Variants in TTC28 observed in about 807,000 individuals in gnomAD.
TTC28 encodes tetratricopeptide repeat domain 28, also known as tetratricopeptide repeat protein 28.
Under a neutral mutation model 198.0 loss-of-function variants are expected in TTC28, and 61 were observed. That is an observed-to-expected ratio of 0.31 (90% CI 0.25 to 0.38). The LOEUF (loss-of-function observed/expected upper bound fraction) is 0.38. TTC28 is among the 10% of genes least tolerant of loss of function. The pLI is 1.00. For missense variants in TTC28, 2,678 were observed against 3,164.0 expected, an observed-to-expected ratio of 0.85 and a Z score of 3.69; for synonymous variants, 1,171 against 1,297.8, an observed-to-expected ratio of 0.90 and a Z score of 2.10.
At chr22:28,076,593 C>T (rs1233443317) in intron 12 of TTC28, among the ~76,000 whole-genome samples, 2 of 152,058 alleles carry the variant, frequency 1.3e-5, no homozygotes, top group African/African-American at 4.8e-5. Context: ...TTCATTCACC[C>T]AGAGATGGGG....
At chr22:28,289,469 T>C (rs1240175130) in intron 5 of TTC28, among the ~76,000 whole-genome samples, 1 of 152,158 alleles carries the variant, frequency 6.6e-6, no homozygotes, top group Non-Finnish European at 1.5e-5. Flanking sequence ...AGACAGAAGG[T>C]TAGTCAGAAT....
At chr22:28,495,611 C>A (rs966694097) in intron 2 of TTC28, among the ~76,000 whole-genome samples, 1 of 151,942 alleles carries the variant, frequency 6.6e-6, no homozygotes, top group East Asian at 1.9e-4. Flanking sequence ...CTATGGGATA[C>A]AAAAAATAGT....
chr22:28,624,561 C>T (rs879707640), intron 2 of TTC28, among the ~76,000 whole-genome samples: 1 of 151,902 alleles, frequency 6.6e-6, no homozygotes, highest in Non-Finnish European at 1.5e-5. Flanking sequence ...ATTTGAATAG[C>T]CCTACATCAA....
chr22:28,052,971 T>C (rs1330245345), intron 12 of TTC28, among the ~76,000 whole-genome samples: 1 of 152,234 alleles, frequency 6.6e-6, no homozygotes, highest in Non-Finnish European at 1.5e-5. Flanking sequence ...GCGCTGTGTG[T>C]GCAGCAGACC....
intron 2 of TTC28, among the ~76,000 whole-genome samples, chr22:28,438,406 T>G (rs763003102): frequency 3.3e-5 from 5 of 152,220 alleles, no homozygotes; most frequent in Non-Finnish European, 7.3e-5. Context: ...GGCTTTTAAA[T>G]GGAACTCCAT....
intron 5 of TTC28, among the ~76,000 whole-genome samples, chr22:28,175,920 G>A (rs1923124604): frequency 6.6e-6 from 1 of 152,164 alleles, no homozygotes; most frequent in African/African-American, 2.4e-5. Context: ...ACAAGTGTTG[G>A]TGAGGTTTTG....
At chr22:28,004,377 C>T (rs1235725403) in intron 14 of TTC28, among the ~76,000 whole-genome samples, 1 of 152,180 alleles carries the variant, frequency 6.6e-6, no homozygotes, top group African/African-American at 2.4e-5. Context: ...CAGACCAGGG[C>T]ATGCCCACCA....
intron 6 of TTC28, among the ~76,000 whole-genome samples, chr22:28,146,041 C>T (rs1943462827): frequency 6.6e-6 from 1 of 152,140 alleles, no homozygotes; most frequent in Non-Finnish European, 1.5e-5. Flanking sequence ...AGCTCATGTT[C>T]CTCACAGAAT....
At chr22:28,248,427 T>C (rs1159699696) in intron 5 of TTC28, among the ~76,000 whole-genome samples, 1 of 152,170 alleles carries the variant, frequency 6.6e-6, no homozygotes, top group Non-Finnish European at 1.5e-5. Flanking sequence ...TTAAGGAGGA[T>C]GTTAGAATTT....
At chr22:28,137,128 G>A (rs1287547510) in intron 6 of TTC28, among the ~76,000 whole-genome samples, 1 of 152,156 alleles carries the variant, frequency 6.6e-6, no homozygotes, top group Non-Finnish European at 1.5e-5. Flanking sequence ...TGCATTTGCT[G>A]GAGTCTTGTA....
At chr22:28,587,084 T>C (rs1019416227) in intron 2 of TTC28, among the ~76,000 whole-genome samples, 57 of 152,186 alleles carry the variant, frequency 3.7e-4, no homozygotes, top group African/African-American at 1.3e-3. Context: ...TAGCCGGGTA[T>C]GGTGGCGGGC....
intron 5 of TTC28, among the ~76,000 whole-genome samples, chr22:28,196,185 G>A (rs975178488): frequency 4.6e-5 from 7 of 152,198 alleles, no homozygotes; most frequent in Non-Finnish European, 1.0e-4. Context: ...AAGAATTGGG[G>A]AAAGGATTCC....
In TTC28 at chr22:28,014,344, G is replaced by C. The variant is rs1394070141; in HGVS notation, c.4122C>G (p.Thr1374=). The C allele has an allele frequency of 1.3e-6, 2 of 1,551,652 alleles. No homozygotes were observed. The highest frequency in any genetic ancestry group is 1.7e-6 in the Non-Finnish European group (2 of 1,146,986). ...TSLFSNTVSP[T]QDGTSSLPRR... is the part of the protein sequence containing the mutation. The stretch of plus-strand genomic sequence containing the variant: ...TGGGAAGAGAGGAGGTCCCGTCCTG[G>C]GTCGGTGACACAGTGTTACTGAACA... The change falls in exon 14 of 23, where the codon ACC becomes ACG. Residue 1374 remains threonine, a synonymous_variant. Coordinates refer to ENST00000397906, the MANE Select transcript of TTC28 (RefSeq NM_001145418.2).
chr22:28,256,325 AC>A (rs1930914728), intron 5 of TTC28, among the ~76,000 whole-genome samples: 1 of 144,094 alleles, frequency 6.9e-6, no homozygotes, highest in Non-Finnish European at 1.5e-5. Flanking sequence ...GGAGGCTGAG[AC>A]AGGAGAATTG....
intron 13 of TTC28, among the ~76,000 whole-genome samples, chr22:28,020,949 G>A (rs1051165354): frequency 6.6e-6 from 1 of 152,118 alleles, no homozygotes; most frequent in African/African-American, 2.4e-5. Flanking sequence ...TGCCTTCTGC[G>A]AGGCAGGCTC....
At chr22:28,513,942 T>C (rs2048734194) in intron 2 of TTC28, among the ~76,000 whole-genome samples, 1 of 152,114 alleles carries the variant, frequency 6.6e-6, no homozygotes, top group South Asian at 2.1e-4. Context: ...TTTTAAAAAA[T>C]TACTTAAAAT....
intron 2 of TTC28, among the ~76,000 whole-genome samples, chr22:28,530,130 C>T (rs1024112077): frequency 1.3e-5 from 2 of 152,078 alleles, no homozygotes; most frequent in Non-Finnish European, 2.9e-5. Flanking sequence ...GGAGGATGTT[C>T]GAAACCACTG....
intron 1 of TTC28, among the ~76,000 whole-genome samples, chr22:28,645,404 G>A (rs915012806): frequency 6.6e-6 from 1 of 151,376 alleles, no homozygotes; most frequent in Non-Finnish European, 1.5e-5. Flanking sequence ...CAAGGTGGGG[G>A]GATCACAAGG....
chr22:28,299,624 TC>T (rs1275012399), intron 3 of TTC28, among the ~76,000 whole-genome samples: 1 of 152,156 alleles, frequency 6.6e-6, no homozygotes, highest in Non-Finnish European at 1.5e-5. Flanking sequence ...GGTGGTGCCG[TC>T]CGCTGATGAG....
Sources: gnomAD v4.1 joint callset for allele counts (sites outside exome capture counted in the v4.1 genomes callset) on GRCh38, gnomAD v4.1.1 for gene constraint, MANE v1.5 for transcripts, NCBI Gene and HGNC (gene_info 2026-07-23, HGNC 2026-07-21) for gene names.